Variants in DMGDH observed in about 807,000 individuals in gnomAD.
DMGDH encodes dimethylglycine dehydrogenase, also known as dimethylglycine dehydrogenase, mitochondrial.
In DMGDH, 76 loss-of-function variants were observed where a neutral mutation model predicts 95.2. That is an observed-to-expected ratio of 0.80 (90% CI 0.66 to 0.97). The LOEUF is 0.97. DMGDH is among the 50% of genes least tolerant of loss of function. The probability of loss-of-function intolerance (pLI) is 0.00; values close to 1 mark genes in which losing one functional copy is unlikely to be tolerated. For missense variants in DMGDH, 987 were observed against 1,055.0 expected, an observed-to-expected ratio of 0.94 and a Z score of 0.89; for synonymous variants, 345 against 377.6, an observed-to-expected ratio of 0.91 and a Z score of 1.00.
In DMGDH at chr5:79,018,185, C is replaced by T. The variant is rs113492147; in HGVS notation, c.2250+6086G>A. 4.2e-3 allele frequency among the ~76,000 whole-genome samples: 638 copies of T among 152,202 alleles called. 6 individuals carry two copies. The highest frequency in any genetic ancestry group is 0.015 in the African/African-American group (605 of 41,504). Reference sequence around the variant, plus strand: ...TCCTCAGCCTCTCAAGTAGCTAGGACTACAGGCATGTGTCACCATGCCCGG... The same window carrying T: ...TCCTCAGCCTCTCAAGTAGCTAGGATTACAGGCATGTGTCACCATGCCCGG... On this transcript the variant is annotated intron_variant, in intron 14 of 15. Transcript: ENST00000255189.
At position 79,055,862 on chromosome 5, in the gene DMGDH, A is replaced by G. The variant is rs1325421149; in HGVS notation, c.323T>C (p.Ile108Thr). Residue 108 changes from isoleucine to threonine, a missense_variant, in exon 3 of 16, where the codon ATA becomes ACA. Coordinates refer to ENST00000255189, the MANE Select transcript of DMGDH (RefSeq NM_013391.3). ...ATAAAGTTTGATGCTATCATAATGT[A>G]TTTTCTTCAAGTTTATTCCAGGATG... ...YFHPGINLKK[I>T]HYDSIKLYEK... The G allele has an allele frequency of 6.2e-6, 10 of 1,612,604 alleles. No homozygotes were observed. Among genetic ancestry groups the G allele is most frequent in the Non-Finnish European group, 8.5e-6 (10 of 1,178,804 alleles).
chr5:79,031,694 T>C (rs1344190238), intron 9 of DMGDH, among the ~76,000 whole-genome samples: 1 of 152,262 alleles, frequency 6.6e-6, no homozygotes, highest in Non-Finnish European at 1.5e-5. Flanking sequence ...CTAAAGGTCC[T>C]TTCTGCTTTA....
intron 6 of DMGDH, 141 bp downstream of exon 6, chr5:79,044,163 C>G: frequency 8.2e-7 from 1 of 1,225,740 alleles, no homozygotes; most frequent in South Asian, 1.3e-5. Context: ...CAGAGCTCAC[C>G]TCAAACCTGT....
rs191685911 is a variant in DMGDH at position 79,001,142 on chromosome 5, C to T, written c.2386-2845G>A. 1.7e-4 allele frequency: 89 copies of T among 516,768 alleles called. No individual in the cohort carries two copies. The East Asian group carries it at 2.0e-3, about 12-fold the overall frequency. The allele number at this position is 516,768 out of a possible 1,614,324, so 32.0% of individuals were successfully genotyped here. On this transcript the variant is annotated intron_variant, in intron 15 of 15. Coordinates refer to ENST00000255189, the MANE Select transcript of DMGDH (RefSeq NM_013391.3). ...CCATGTAGCCCTGGAAGCAGCTCTGCGGCTGCACCTAATCATTGCTTTTGT... is the reference window on the plus strand; with the variant it reads ...CCATGTAGCCCTGGAAGCAGCTCTGTGGCTGCACCTAATCATTGCTTTTGT...
chr5:79,020,948 G>A, intron 14 of DMGDH: 1 of 985,322 alleles, frequency 1.0e-6, no homozygotes, highest in South Asian at 4.7e-5. Context: ...TCCATCCAAA[G>A]GCAGCTGATT....
At chr5:79,032,015 A>T (rs926058118) in intron 9 of DMGDH, among the ~76,000 whole-genome samples, 1 of 152,256 alleles carries the variant, frequency 6.6e-6, no homozygotes, top group African/African-American at 2.4e-5. Context: ...GCAAAATGAC[A>T]GCATAAAAAT....
rs116546218 is a variant in DMGDH at position 79,033,759 on chromosome 5, C to A, written c.1194-351G>T. On this transcript the variant is annotated intron_variant, in intron 7 of 15. Transcript: ENST00000255189. Reference sequence around the variant, plus strand: ...CGGCCTGGCCAACAAAGTGAGAACTCATCGCTACAAAAAAATTAAAAAATT... The same window carrying A: ...CGGCCTGGCCAACAAAGTGAGAACTAATCGCTACAAAAAAATTAAAAAATT... 8.0e-3 allele frequency among the ~76,000 whole-genome samples: 1,217 copies of A among 152,198 alleles called. 14 individuals carry two copies. The highest frequency in any genetic ancestry group is 0.017 in the Middle Eastern group (5 of 294).
intron 3 of DMGDH, 90 bp downstream of exon 3, chr5:79,055,720 C>A: frequency 1.2e-6 from 1 of 843,532 alleles, no homozygotes; most frequent in South Asian, 1.4e-5. Context: ...TCCACACGGT[C>A]ATACACAATG....
At chr5:79,060,329 CTT>C (rs778297330) in intron 2 of DMGDH, among the ~76,000 whole-genome samples, 1 of 152,186 alleles carries the variant, frequency 6.6e-6, no homozygotes, top group Non-Finnish European at 1.5e-5. Flanking sequence ...TCCATCCTCT[CTT>C]GTTTCCCTGC....
At chr5:79,067,169 C>T (rs751575969) in intron 1 of DMGDH, among the ~76,000 whole-genome samples, 1 of 152,170 alleles carries the variant, frequency 6.6e-6, no homozygotes, top group Non-Finnish European at 1.5e-5. Context: ...GACATGGCTA[C>T]ATAATTCTTA....
In DMGDH at chr5:79,030,040, T is replaced by C. The variant is rs1382659510; in HGVS notation, c.1684-6A>G. 9 of 1,609,140 alleles carry C rather than the reference T, an allele frequency of 5.6e-6. No homozygotes were observed. In the East Asian group the frequency reaches 1.8e-4, roughly 32 times the overall value. ...CTTATATTTGTAAAACCCACCTACA[T>C]AAAAAAATTAAAAATTACCTTAGGA... On this transcript the variant is annotated splice_polypyrimidine_tract_variant and splice_region_variant and intron_variant, in intron 10 of 15. Coordinates refer to ENST00000255189, the MANE Select transcript of DMGDH (RefSeq NM_013391.3).
chr5:79,003,589 C>G (rs1279298411), intron 15 of DMGDH, among the ~76,000 whole-genome samples: 3 of 152,210 alleles, frequency 2.0e-5, no homozygotes, highest in African/African-American at 7.2e-5. Flanking sequence ...TGAGAAAAGT[C>G]AGTTGGCTTC....
intron 13 of DMGDH, 36 bp from the exon 14 acceptor site, chr5:79,024,366 G>A (rs1182477005): frequency 8.9e-6 from 14 of 1,564,458 alleles, no homozygotes; most frequent in Non-Finnish European, 1.1e-5. Context: ...TCTTAGATGA[G>A]TGCAAGTCAT....
chr5:79,024,889 A>G (rs1436879895), intron 13 of DMGDH, among the ~76,000 whole-genome samples: 1 of 152,244 alleles, frequency 6.6e-6, no homozygotes, highest in East Asian at 1.9e-4. Flanking sequence ...ACCTGAAGTT[A>G]ATGGTTTTTG....
At chr5:79,044,045 T>C (rs1754596523) in intron 6 of DMGDH, among the ~76,000 whole-genome samples, 1 of 152,142 alleles carries the variant, frequency 6.6e-6, no homozygotes, top group Non-Finnish European at 1.5e-5. Flanking sequence ...TAAAAATGTA[T>C]CTGGAACCTT....
In DMGDH at chr5:79,063,743, C is replaced by G; in HGVS notation, c.146G>C (p.Arg49Thr). ...PLSAETQWKD[R>T]AETVIIGGGC... ...ACCTCCAATTATCACTGTTTCTGCT[C>G]TGTCTTTCCATTGTGTTTCTGCAGA... is the stretch of plus-strand genomic sequence containing the variant. Residue 49 changes from arginine (R) to threonine (T), a missense_variant, in exon 2 of 16, where the codon AGA (arginine) becomes ACA (threonine). Arg to Thr is a moderately conservative substitution (Grantham distance 71). Transcript: ENST00000255189. 1 of 1,614,216 alleles carries G rather than the reference C, an allele frequency of 6.2e-7. No individual in the cohort carries two copies. The highest frequency in any genetic ancestry group is 1.3e-5 in the African/African-American group (1 of 75,054).
At chr5:79,005,124 G>T in intron 15 of DMGDH, 149 bp downstream of exon 15, 1 of 1,066,918 alleles carries the variant, frequency 9.4e-7, no homozygotes, top group Non-Finnish European at 1.4e-6. Context: ...ATTGCGTTCT[G>T]TCTTTTGAAT....
rs776076896 is a variant in DMGDH at position 79,044,524 on chromosome 5, C to A, written c.774G>T (p.Met258Ile). The A allele has an allele frequency of 6.6e-5, 106 of 1,614,086 alleles. 1 individual carries two copies. Among genetic ancestry groups the A allele is most frequent in the South Asian group, 4.6e-4 (42 of 91,072 alleles). Residue 258 changes from methionine (M) to isoleucine (I), a missense_variant, in exon 6 of 16, where the codon ATG becomes ATT. Coordinates refer to ENST00000255189, the MANE Select transcript of DMGDH (RefSeq NM_013391.3). ...AGFWAREVGK[M>I]IGLEHPLIPV... is the part of the protein sequence containing the mutation. ...GAATGAGAGGATGTTCTAGTCCAATCATTTTACCTACTTCACGAGCCCAAA... is the reference window on the plus strand; with the variant it reads ...GAATGAGAGGATGTTCTAGTCCAATAATTTTACCTACTTCACGAGCCCAAA...
chr5:79,002,802 T>C (rs562960299), intron 15 of DMGDH, among the ~76,000 whole-genome samples: 1 of 152,278 alleles, frequency 6.6e-6, no homozygotes, highest in Non-Finnish European at 1.5e-5. Context: ...GGAGGGCCTC[T>C]GAAAAAGGAT....
Sources: gnomAD v4.1 joint callset for allele counts (sites outside exome capture counted in the v4.1 genomes callset) on GRCh38, gnomAD v4.1.1 for gene constraint, MANE v1.5 for transcripts, NCBI Gene and HGNC (gene_info 2026-07-23, HGNC 2026-07-21) for gene names.